The following PTPRM variants were observed in gnomAD, a reference collection of about 807,000 sequenced individuals.
PTPRM encodes the protein protein tyrosine phosphatase receptor type M.
Under a neutral mutation model 186.7 loss-of-function variants are expected in PTPRM, and 47 were observed. The ratio of observed to expected loss-of-function variants is 0.25; its 90% CI spans 0.20 to 0.32. PTPRM has a LOEUF of 0.32. Among genes scored for constraint, PTPRM ranks in the 10% least tolerant of loss-of-function variants. The pLI is 1.00. For synonymous variants in PTPRM, 668 were observed against 674.9 expected, an observed-to-expected ratio of 0.99 and a Z score of 0.16; for missense variants, 1,494 against 1,865.0, an observed-to-expected ratio of 0.80 and a Z score of 3.66.
intron 23 of PTPRM, among the ~76,000 whole-genome samples, chr18:8,344,173 G>C (rs2095490966): frequency 6.6e-6 from 1 of 152,020 alleles, no homozygotes; most frequent in Non-Finnish European, 1.5e-5. Flanking sequence ...TTTACAGTAG[G>C]TTGAATTCCA....
chr18:7,573,512 C>T (rs535937), intron 1 of PTPRM, among the ~76,000 whole-genome samples: 33,921 of 152,140 alleles, frequency 0.22, 4,975 homozygotes, highest in East Asian at 0.57. Context: ...CCCAGCATCC[C>T]TGGGTGGTCA....
intron 21 of PTPRM, among the ~76,000 whole-genome samples, chr18:8,316,313 T>G (rs969759158): frequency 1.3e-5 from 2 of 152,218 alleles, no homozygotes; most frequent in Non-Finnish European, 2.9e-5. Flanking sequence ...CCTTAGTAAG[T>G]GTTTCATGAA....
intron 7 of PTPRM, among the ~76,000 whole-genome samples, chr18:8,048,338 G>T (rs887217099): frequency 3.4e-4 from 51 of 151,952 alleles, no homozygotes; most frequent in Admixed American, 1.6e-3. Flanking sequence ...GTTAGAACCT[G>T]TATTTTCCTT....
chr18:7,710,984 T>C (rs2040199705), intron 1 of PTPRM, among the ~76,000 whole-genome samples: 1 of 152,192 alleles, frequency 6.6e-6, no homozygotes. Context: ...AAAAGCAAGC[T>C]ACAGAGTCAA....
At chr18:8,281,363 C>G (rs1013429266) in intron 19 of PTPRM, among the ~76,000 whole-genome samples, 2 of 152,152 alleles carry the variant, frequency 1.3e-5, no homozygotes, top group African/African-American at 4.8e-5. Context: ...TTCCTGGTCT[C>G]TCCTCCTCCA....
chr18:8,394,550 T>C lies in PTPRM; in HGVS notation c.4283T>C (p.Val1428Ala). The change falls in exon 32 of 33, where the codon GTG (valine) becomes GCG (alanine). Residue 1428 changes from valine (V) to alanine (A), a missense_variant. Physicochemically the swap from Val to Ala is moderately conservative, Grantham distance 64. Coordinates refer to ENST00000580170, the MANE Select transcript of PTPRM (RefSeq NM_001105244.2). The stretch of plus-strand genomic sequence containing the variant: ...GAGATGCTCCGGCACCAGAGAACCG[T>C]GGATGTCTTTCACGCTGTGAAGACA... ...VCEMLRHQRT[V>A]DVFHAVKTLR... 1 of 1,613,776 alleles carries C rather than the reference T, an allele frequency of 6.2e-7. No individual in the cohort carries two copies. The highest frequency in any genetic ancestry group is 8.5e-7 in the Non-Finnish European group (1 of 1,179,886).
At chr18:7,846,589 T>C (rs1175259454) in intron 2 of PTPRM, among the ~76,000 whole-genome samples, 1 of 152,240 alleles carries the variant, frequency 6.6e-6, no homozygotes, top group Non-Finnish European at 1.5e-5. Flanking sequence ...TTGTTATCCT[T>C]ACAGGATTGT....
intron 3 of PTPRM, among the ~76,000 whole-genome samples, chr18:7,894,491 C>T (rs998317379): frequency 2.0e-5 from 3 of 151,854 alleles, no homozygotes; most frequent in African/African-American, 7.3e-5. Flanking sequence ...GAGGCTGAGG[C>T]AGGAGAATGG....
At chr18:8,003,139 C>T (rs2083968290) in intron 7 of PTPRM, among the ~76,000 whole-genome samples, 2 of 152,132 alleles carry the variant, frequency 1.3e-5, no homozygotes, top group East Asian at 3.9e-4. Flanking sequence ...TTGTAATAAT[C>T]CCCACATGTC....
chr18:7,704,911 T>C (rs1379200779), intron 1 of PTPRM, among the ~76,000 whole-genome samples: 1 of 152,164 alleles, frequency 6.6e-6, no homozygotes, highest in East Asian at 1.9e-4. Context: ...CATTATTCAA[T>C]TTTTAGAGAA....
chr18:7,887,205 G>C (rs1301053401), intron 2 of PTPRM, among the ~76,000 whole-genome samples: 2 of 151,996 alleles, frequency 1.3e-5, no homozygotes, highest in Non-Finnish European at 2.9e-5. Context: ...TTGTATCTTA[G>C]AACATTTTGC....
At chr18:8,042,912 C>T (rs187613060) in intron 7 of PTPRM, among the ~76,000 whole-genome samples, 1 of 152,264 alleles carries the variant, frequency 6.6e-6, no homozygotes, top group Non-Finnish European at 1.5e-5. Context: ...AGACAGTTCC[C>T]CCTGTAGACC....
chr18:8,173,012 G>C (rs1339868162), intron 14 of PTPRM, among the ~76,000 whole-genome samples: 1 of 152,128 alleles, frequency 6.6e-6, no homozygotes, highest in Non-Finnish European at 1.5e-5. Flanking sequence ...TCTTAATAAG[G>C]AACTGTACTC....
intron 5 of PTPRM, among the ~76,000 whole-genome samples, chr18:7,940,446 C>T (rs1048204810): frequency 5.9e-5 from 9 of 152,098 alleles, no homozygotes; most frequent in Admixed American, 4.6e-4. Context: ...GGAATTTAGG[C>T]GTCAGGTTAG....
chr18:7,587,336 T>G (rs187598167), intron 1 of PTPRM, among the ~76,000 whole-genome samples: 173 of 152,268 alleles, frequency 1.1e-3, no homozygotes, highest in African/African-American at 4.0e-3. Context: ...ACTGAGAATC[T>G]TTGTTCATAT....
At chr18:7,985,344 CAT>C (rs1305884253) in intron 7 of PTPRM, among the ~76,000 whole-genome samples, 2 of 115,740 alleles carry the variant, frequency 1.7e-5, no homozygotes, top group Admixed American at 9.6e-5. Context: ...TGTATATACA[CAT>C]AAATATATAC....
chr18:8,140,732 T>A (rs994647179), intron 13 of PTPRM, among the ~76,000 whole-genome samples: 5 of 152,110 alleles, frequency 3.3e-5, no homozygotes, highest in Non-Finnish European at 2.9e-5. Context: ...GCAAGTTTAT[T>A]CTCTTCAAAA....
intron 3 of PTPRM, among the ~76,000 whole-genome samples, chr18:7,890,571 A>G (rs962963644): frequency 3.3e-5 from 5 of 152,152 alleles, no homozygotes; most frequent in African/African-American, 1.2e-4. Flanking sequence ...TACACGTGTA[A>G]ATTGTTAAGA....
At chr18:7,693,946 C>A (rs750341300) in intron 1 of PTPRM, among the ~76,000 whole-genome samples, 1 of 152,088 alleles carries the variant, frequency 6.6e-6, no homozygotes, top group Non-Finnish European at 1.5e-5. Context: ...GTGAATGAAT[C>A]GTAATGGAGC....
Sources: gnomAD v4.1 joint callset for allele counts (sites outside exome capture counted in the v4.1 genomes callset) on GRCh38, gnomAD v4.1.1 for gene constraint, MANE v1.5 for transcripts, NCBI Gene and HGNC (gene_info 2026-07-23, HGNC 2026-07-21) for gene names.